Variants in SLC25A40 observed in about 807,000 individuals in gnomAD.
The protein encoded by SLC25A40 is mitochondrial glutathione transporter SLC25A40.
Under a neutral mutation model 46.5 loss-of-function variants are expected in SLC25A40, and 41 were observed. That is an observed-to-expected ratio of 0.88 (90% CI 0.69 to 1.14). The LOEUF (loss-of-function observed/expected upper bound fraction) is 1.14, where lower values mean the gene tolerates loss of function less well. Among genes scored for constraint, SLC25A40 ranks in the 50% most tolerant of loss-of-function variants. The pLI is 0.00. For missense variants in SLC25A40, 386 were observed against 393.6 expected, an observed-to-expected ratio of 0.98 and a Z score of 0.16; for synonymous variants, 126 against 127.5, an observed-to-expected ratio of 0.99 and a Z score of 0.08.
chr7:87,842,524 T>C (rs1020393060), intron 9 of SLC25A40, among the ~76,000 whole-genome samples: 1 of 152,044 alleles, frequency 6.6e-6, no homozygotes, highest in African/African-American at 2.4e-5. Context: ...ACCCCAACAA[T>C]TTGTTGATGT....
intron 1 of SLC25A40, among the ~76,000 whole-genome samples, chr7:87,864,960 TTTTTC>T (rs372588744): frequency 0.043 from 6,546 of 150,576 alleles, 216 homozygotes; most frequent in East Asian, 0.088. Context: ...TTTGTTGATT[TTTTTC>T]TTTTCTTTTC....
chr7:87,852,859 T>C (rs1465986373), intron 5 of SLC25A40, among the ~76,000 whole-genome samples: 1 of 152,138 alleles, frequency 6.6e-6, no homozygotes, highest in Non-Finnish European at 1.5e-5. Flanking sequence ...ATGCCCTACA[T>C]AAAACTAACT....
intron 1 of SLC25A40, among the ~76,000 whole-genome samples, chr7:87,865,001 AG>A (rs1438340675): frequency 6.8e-6 from 1 of 147,376 alleles, no homozygotes; most frequent in Non-Finnish European, 1.5e-5. Flanking sequence ...TTTTGAGACA[AG>A]GTCCTGCTCT....
At chr7:87,840,427 T>C (rs1448591903) in intron 10 of SLC25A40, among the ~76,000 whole-genome samples, 1 of 151,790 alleles carries the variant, frequency 6.6e-6, no homozygotes, top group Non-Finnish European at 1.5e-5. Flanking sequence ...TCCCAAACTT[T>C]AGTGTGCATT....
rs745780556 is a variant in SLC25A40, at chr7:87,843,873, C to T, written c.632-10G>A. 1 of 1,556,146 alleles carries T rather than the reference C, an allele frequency of 6.4e-7. No individual in the cohort carries two copies. Among genetic ancestry groups the T allele is most frequent in the Admixed American group, 1.8e-5 (1 of 55,448 alleles). ...TTATACCAGTACATTGCTATAAAAA[C>T]AGAGAATGAAATGAACACATATTTA... On this transcript the variant is annotated splice_polypyrimidine_tract_variant and intron_variant, in intron 8 of 11. Coordinates refer to ENST00000341119, the MANE Select transcript of SLC25A40 (RefSeq NM_018843.4).
chr7:87,873,107 T>C (rs942881501), intron 1 of SLC25A40, among the ~76,000 whole-genome samples: 4 of 152,140 alleles, frequency 2.6e-5, no homozygotes, highest in South Asian at 2.1e-4. Flanking sequence ...GACATATCAA[T>C]AGTTGGCAAA....
intron 1 of SLC25A40, among the ~76,000 whole-genome samples, chr7:87,867,475 AAATTTCTGG>A (rs1464197884): frequency 1.3e-5 from 2 of 152,192 alleles, no homozygotes; most frequent in African/African-American, 4.8e-5. Flanking sequence ...TTTCTTTGAT[AAATTTCTGG>A]AATTTTTTTT....
chr7:87,846,937 G>A lies in SLC25A40; in HGVS notation c.631+12C>T. 1 of 1,585,908 alleles carries A rather than the reference G, an allele frequency of 6.3e-7. No individual in the cohort carries two copies. Among genetic ancestry groups the A allele is most frequent in the Non-Finnish European group, 8.6e-7 (1 of 1,168,078 alleles). On this transcript the variant is annotated intron_variant, in intron 8 of 11. Transcript: ENST00000341119. Reference sequence around the variant, plus strand: ...TGTAAAATTTAGTAGCTACAAATAAGATAAATCCTACCTGAGAAAGGTACA... The same window carrying A: ...TGTAAAATTTAGTAGCTACAAATAAAATAAATCCTACCTGAGAAAGGTACA...
At chr7:87,857,996 G>A (rs1226269032) in intron 3 of SLC25A40, among the ~76,000 whole-genome samples, 1 of 152,122 alleles carries the variant, frequency 6.6e-6, no homozygotes, top group Non-Finnish European at 1.5e-5. Context: ...CCTGGTGGGA[G>A]GTCTATACAT....
intron 1 of SLC25A40, among the ~76,000 whole-genome samples, chr7:87,866,214 G>A (rs1838796230): frequency 6.6e-6 from 1 of 152,060 alleles, no homozygotes; most frequent in Admixed American, 6.5e-5. Context: ...AGCGTTTCTT[G>A]TAAAATGGGT....
chr7:87,839,372 C>T, intron 10 of SLC25A40, among the ~76,000 whole-genome samples: 1 of 149,162 alleles, frequency 6.7e-6, no homozygotes, highest in Middle Eastern at 3.5e-3. Context: ...TTTATTAAAT[C>T]TATTAAATAC....
intron 10 of SLC25A40, 162 bp from the exon 11 acceptor site, chr7:87,836,972 T>TA (rs1371187681): frequency 1.3e-5 from 5 of 371,492 alleles, no homozygotes; most frequent in Non-Finnish European, 1.9e-5. Context: ...TTTTAATAGT[T>TA]AGATTCATTA....
chr7:87,852,954 C>A lies in SLC25A40; in HGVS notation c.264+1250G>T, dbSNP rs540212495. ...AGATAAAAAGCTCTTAGCCTTGATA[C>A]CAAAAGCATGACCTATAAAAGATAT... On this transcript the variant is annotated intron_variant, in intron 5 of 11. Transcript: ENST00000341119. Among the ~76,000 whole-genome samples the A allele has an allele frequency of 3.3e-5, 5 of 152,082 alleles. No homozygotes were observed. The South Asian group carries it at 1.0e-3, about 32-fold the overall frequency.
chr7:87,846,943 T>A lies in SLC25A40; in HGVS notation c.631+6A>T. On this transcript the variant is annotated splice_donor_region_variant and intron_variant, in intron 8 of 11. Coordinates refer to ENST00000341119, the MANE Select transcript of SLC25A40 (RefSeq NM_018843.4). ...ATTTAGTAGCTACAAATAAGATAAA[T>A]CCTACCTGAGAAAGGTACATCTCTA... 1 of 1,591,730 alleles carries A rather than the reference T, an allele frequency of 6.3e-7. No individual in the cohort carries two copies. The highest frequency in any genetic ancestry group is 8.5e-7 in the Non-Finnish European group (1 of 1,171,000).
At position 87,851,943 on chromosome 7, in the gene SLC25A40, T is replaced by A. The variant is rs1328849468; in HGVS notation, c.265-1995A>T. ...AAACACAACAAAGAGAAAATTTTTT[T>A]AAAAAGATAGGCTTAAGTCCTACTC... On this transcript the variant is annotated intron_variant, in intron 5 of 11. Coordinates refer to ENST00000341119, the MANE Select transcript of SLC25A40 (RefSeq NM_018843.4). Among the ~76,000 whole-genome samples, 8 of 152,140 alleles carry A rather than the reference T, an allele frequency of 5.3e-5. No homozygotes were observed. The South Asian group carries it at 6.2e-4, about 12-fold the overall frequency.
rs1838649496 is a variant in SLC25A40 at position 87,858,563 on chromosome 7, A to G, written c.97+68T>C. 14 of 862,480 alleles carry G rather than the reference A, an allele frequency of 1.6e-5. No homozygotes were observed. The Admixed American group carries it at 2.4e-4, about 15-fold the overall frequency. 53.4% of individuals were successfully genotyped at this position (862,480 alleles called of 1,614,324 possible). On this transcript the variant is annotated intron_variant, in intron 3 of 11. Coordinates refer to ENST00000341119, the MANE Select transcript of SLC25A40 (RefSeq NM_018843.4). Reference sequence around the variant, plus strand: ...AAAGAAACTACGTTGAAATACTGATACTAAAACTCAAATGGAAGCACTGAC... The same window carrying G: ...AAAGAAACTACGTTGAAATACTGATGCTAAAACTCAAATGGAAGCACTGAC...
chr7:87,844,009 G>T (rs970836814), intron 8 of SLC25A40, 146 bp from the exon 9 acceptor site: 105 of 1,302,668 alleles, frequency 8.1e-5, no homozygotes, highest in Non-Finnish European at 9.3e-5. Context: ...ACTAGGGTGG[G>T]ATTTCTTTTT....
chr7:87,849,970 AG>A (rs756899226), intron 5 of SLC25A40, 22 bp from the exon 6 acceptor site: 1 of 1,471,398 alleles, frequency 6.8e-7, no homozygotes, highest in African/African-American at 1.4e-5. Context: ...ATAGAAAAAA[AG>A]TAATCAAAAT....
chr7:87,846,821 A>T (rs1393571408), intron 8 of SLC25A40, 128 bp downstream of exon 8: 10 of 603,308 alleles, frequency 1.7e-5, no homozygotes, highest in Non-Finnish European at 2.5e-5. Flanking sequence ...ACAATGAAAA[A>T]GGAGTTTGTG....
Sources: allele counts gnomAD v4.1 joint callset (sites outside exome capture counted in the v4.1 genomes callset), GRCh38; gene constraint gnomAD v4.1.1; transcripts MANE v1.5; gene names NCBI Gene and HGNC (gene_info 2026-07-23, HGNC 2026-07-21).